Variants in CNTN5 observed in about 807,000 individuals in gnomAD.
CNTN5 encodes contactin-5.
A neutral mutation model predicts 129.1 loss-of-function variants in CNTN5; 77 were observed. The ratio of observed to expected loss-of-function variants is 0.60; its 90% CI spans 0.50 to 0.72. CNTN5 has a LOEUF of 0.72. Among genes scored for constraint, CNTN5 ranks in the 30% least tolerant of loss-of-function variants. The pLI, the probability that CNTN5 is intolerant of heterozygous loss-of-function variation, is 0.00. For missense variants in CNTN5, 1,478 were observed against 1,328.8 expected, an observed-to-expected ratio of 1.11 and a Z score of -1.75; for synonymous variants, 509 against 465.6, an observed-to-expected ratio of 1.09 and a Z score of -1.20.
intron 13 of CNTN5, among the ~76,000 whole-genome samples, chr11:100,093,845 A>C (rs544339696): frequency 4.6e-5 from 7 of 152,194 alleles, no homozygotes; most frequent in East Asian, 3.9e-4. Context: ...ATGATCTAGA[A>C]GTTCTATTAG....
chr11:99,198,467 A>G (rs1320007504), intron 1 of CNTN5, among the ~76,000 whole-genome samples: 1 of 152,164 alleles, frequency 6.6e-6, no homozygotes, highest in African/African-American at 2.4e-5. Flanking sequence ...GATTAGAATT[A>G]TGTATGCTCT....
At chr11:100,184,928 TC>T (rs979212588) in intron 13 of CNTN5, among the ~76,000 whole-genome samples, 5 of 151,966 alleles carry the variant, frequency 3.3e-5, no homozygotes, top group Non-Finnish European at 5.9e-5. Flanking sequence ...GGGGGTGGTT[TC>T]CCCCATGCTG....
At chr11:100,352,157 T>C (rs971517744) in intron 24 of CNTN5, among the ~76,000 whole-genome samples, 2 of 151,614 alleles carry the variant, frequency 1.3e-5, no homozygotes, top group African/African-American at 2.4e-5. Flanking sequence ...TTCCTGATCC[T>C]CTCCCTCCTC....
At chr11:99,142,926 A>G (rs140557871) in intron 1 of CNTN5, among the ~76,000 whole-genome samples, 432 of 152,266 alleles carry the variant, frequency 2.8e-3, no homozygotes, top group African/African-American at 9.7e-3. Flanking sequence ...CCTCAGGGCC[A>G]GGGACTAGTC....
In CNTN5 at chr11:99,310,400, T is replaced by C. The variant is rs1865058439; in HGVS notation, c.-209-14946T>C. ...TTATTTAAAATCTTGAAAAACTTGA[T>C]GCGTGATAAATTATCAATAAAACAC... is the stretch of plus-strand genomic sequence containing the variant. On this transcript the variant is annotated intron_variant, in intron 1 of 24. Coordinates refer to ENST00000524871, the MANE Select transcript of CNTN5 (RefSeq NM_014361.4). Among the ~76,000 whole-genome samples, 12 of 151,888 alleles carry C rather than the reference T, an allele frequency of 7.9e-5. No homozygotes were observed. In the Admixed American group the frequency reaches 7.9e-4, roughly 10 times the overall value.
At chr11:100,151,546 C>T (rs1406515816) in intron 13 of CNTN5, among the ~76,000 whole-genome samples, 1 of 152,076 alleles carries the variant, frequency 6.6e-6, no homozygotes, top group African/African-American at 2.4e-5. Context: ...TAGGTATACT[C>T]CTAACGGGGC....
At chr11:100,313,768 T>G (rs1951522185) in intron 21 of CNTN5, among the ~76,000 whole-genome samples, 1 of 151,862 alleles carries the variant, frequency 6.6e-6, no homozygotes, top group Non-Finnish European at 1.5e-5. Flanking sequence ...CACTCAGCAT[T>G]TAGAAGTTGA....
At chr11:99,127,004 C>A (rs1281250372) in intron 1 of CNTN5, among the ~76,000 whole-genome samples, 1 of 152,142 alleles carries the variant, frequency 6.6e-6, no homozygotes, top group Non-Finnish European at 1.5e-5. Context: ...TTATGGCTAC[C>A]ATTACTATCT....
intron 1 of CNTN5, among the ~76,000 whole-genome samples, chr11:99,212,731 A>G (rs4754594): frequency 0.12 from 18,493 of 152,142 alleles, 1,550 homozygotes; most frequent in East Asian, 0.4. Flanking sequence ...ATAATTTGCT[A>G]AAAGTCTTAA....
intron 1 of CNTN5, among the ~76,000 whole-genome samples, chr11:99,115,886 A>C (rs1169282312): frequency 1.3e-5 from 2 of 152,214 alleles, no homozygotes; most frequent in African/African-American, 2.4e-5. Context: ...GAAGTGAGTA[A>C]ATATAATTAT....
At chr11:99,189,605 G>A (rs1016071828) in intron 1 of CNTN5, among the ~76,000 whole-genome samples, 38 of 151,702 alleles carry the variant, frequency 2.5e-4, no homozygotes, top group African/African-American at 8.7e-4. Flanking sequence ...ACGTGGTGGT[G>A]TTGATTTACA....
chr11:100,277,210 T>C (rs1950533336), intron 18 of CNTN5, among the ~76,000 whole-genome samples: 1 of 152,212 alleles, frequency 6.6e-6, no homozygotes, highest in Non-Finnish European at 1.5e-5. Context: ...ACATTTTCTT[T>C]ATCCATTCAT....
chr11:100,171,847 A>G (rs1258427463), intron 13 of CNTN5, among the ~76,000 whole-genome samples: 1 of 66,340 alleles, frequency 1.5e-5, no homozygotes, highest in Non-Finnish European at 2.7e-5. Flanking sequence ...AAGCTAAAAG[A>G]AAAAAAAACC....
intron 1 of CNTN5, among the ~76,000 whole-genome samples, chr11:99,292,986 T>C (rs1248821158): frequency 6.6e-6 from 1 of 152,192 alleles, no homozygotes; most frequent in Non-Finnish European, 1.5e-5. Context: ...GTGCACTTAA[T>C]AGGCCCCCCT....
chr11:100,250,846 C>A (rs901207539), intron 16 of CNTN5, among the ~76,000 whole-genome samples: 18 of 152,092 alleles, frequency 1.2e-4, no homozygotes, highest in Admixed American at 3.3e-4. Flanking sequence ...CTTTAATACT[C>A]AGAGAGGCAA....
intron 17 of CNTN5, among the ~76,000 whole-genome samples, chr11:100,256,903 G>A (rs138547764): frequency 1.4e-4 from 22 of 152,220 alleles, no homozygotes; most frequent in Middle Eastern, 3.4e-3. Flanking sequence ...GCTAGCTGCA[G>A]GAGTGTTTTT....
At chr11:99,343,754 T>C (rs1866628370) in intron 2 of CNTN5, among the ~76,000 whole-genome samples, 3 of 152,176 alleles carry the variant, frequency 2.0e-5, no homozygotes, top group African/African-American at 7.2e-5. Context: ...TTAAAACATT[T>C]GACCACATTT....
chr11:100,258,626 C>CCAACATTCAAAATT (rs1555051674), intron 17 of CNTN5, among the ~76,000 whole-genome samples: 15 of 151,780 alleles, frequency 9.9e-5, no homozygotes, highest in Non-Finnish European at 2.9e-5. Flanking sequence ...AGAGTGGGGG[C>CCAACATTCAAAATT]CAACATTCAA....
At chr11:99,358,532 G>T (rs1938875626) in intron 2 of CNTN5, among the ~76,000 whole-genome samples, 3 of 151,550 alleles carry the variant, frequency 2.0e-5, no homozygotes, top group South Asian at 4.2e-4. Context: ...CTGCACTCCA[G>T]CCTGGCGACA....
Sources: allele counts gnomAD v4.1 joint callset (sites outside exome capture counted in the v4.1 genomes callset), GRCh38; gene constraint gnomAD v4.1.1; transcripts MANE v1.5; gene names NCBI Gene and HGNC (gene_info 2026-07-23, HGNC 2026-07-21).